The following FBXW10B variants were observed in gnomAD, a reference collection of about 807,000 sequenced individuals.
The protein encoded by FBXW10B is F-box and WD repeat domain containing protein 10B.
the FBXW10B span, among the ~76,000 whole-genome samples, chr17:15,585,868 T>G: frequency 1.3e-5 from 2 of 152,246 alleles, no homozygotes; most frequent in African/African-American, 4.8e-5. Context: ...TGGTAGCCAC[T>G]GCTTTGATTG....
chr17:15,598,169 G>A, the FBXW10B span, among the ~76,000 whole-genome samples: 1 of 152,058 alleles, frequency 6.6e-6, no homozygotes, highest in Non-Finnish European at 1.5e-5. Flanking sequence ...GGCAGCCGTT[G>A]TTGTTCATGG....
the FBXW10B span, among the ~76,000 whole-genome samples, chr17:15,610,436 C>G: frequency 6.6e-6 from 1 of 152,138 alleles, no homozygotes; most frequent in Non-Finnish European, 1.5e-5. Context: ...CAGGCATACC[C>G]CCAAGTCTGC....
At chr17:15,610,229 T>C in the FBXW10B span, among the ~76,000 whole-genome samples, 1 of 152,190 alleles carries the variant, frequency 6.6e-6, no homozygotes, top group African/African-American at 2.4e-5. Flanking sequence ...GGCTTGACAG[T>C]CAACAGGTTT....
chr17:15,617,116 A>G, the FBXW10B span, among the ~76,000 whole-genome samples: 1 of 152,218 alleles, frequency 6.6e-6, no homozygotes, highest in East Asian at 1.9e-4. Context: ...AAGTCGGTTG[A>G]TCTCCAATCT....
At chr17:15,568,225 T>C in the FBXW10B span, among the ~76,000 whole-genome samples, 1 of 152,220 alleles carries the variant, frequency 6.6e-6, no homozygotes, top group South Asian at 2.1e-4. Context: ...AAGGTACATT[T>C]CACTCAACAA....
chr17:15,584,697 G>A, the FBXW10B span, among the ~76,000 whole-genome samples: 2 of 152,132 alleles, frequency 1.3e-5, no homozygotes, highest in African/African-American at 4.8e-5. Flanking sequence ...ATGGCATCCT[G>A]GGTAAATAGC....
At chr17:15,601,422 A>AT in the FBXW10B span, among the ~76,000 whole-genome samples, 2 of 151,596 alleles carry the variant, frequency 1.3e-5, no homozygotes, top group Non-Finnish European at 2.9e-5. Flanking sequence ...AAAAAAAAAA[A>AT]AAAAAAAGAG....
At chr17:15,594,567 A>G in the FBXW10B span, 1 of 798,540 alleles carries the variant, frequency 1.3e-6, no homozygotes, top group Non-Finnish European at 1.9e-6. Context: ...GCTAACAGTC[A>G]GACAGAGAAG....
At chr17:15,618,345 T>C in the FBXW10B span, among the ~76,000 whole-genome samples, 3 of 151,662 alleles carry the variant, frequency 2.0e-5, no homozygotes, top group Non-Finnish European at 4.4e-5. Context: ...AGAAAAGGAA[T>C]ACAGAATCCT....
chr17:15,586,232 C>A, the FBXW10B span, among the ~76,000 whole-genome samples: 1 of 151,660 alleles, frequency 6.6e-6, no homozygotes, highest in Non-Finnish European at 1.5e-5. Flanking sequence ...TGGTTTGCAG[C>A]TGTGGACTTT....
chr17:15,569,455 C>CTTTTTTTTTTTTTTTTTT, the FBXW10B span, among the ~76,000 whole-genome samples: 10 of 59,198 alleles, frequency 1.7e-4, no homozygotes, highest in East Asian at 7.0e-4. Context: ...TTTTCTTTTT[C>CTTTTTTTTTTTTTTTTTT]TTTTTTTTTT....
the FBXW10B span, among the ~76,000 whole-genome samples, chr17:15,595,789 C>G: frequency 6.6e-6 from 1 of 152,134 alleles, no homozygotes; most frequent in Non-Finnish European, 1.5e-5. Context: ...CAATCACTTT[C>G]AAGACCATCC....
the FBXW10B span, among the ~76,000 whole-genome samples, chr17:15,601,110 A>G: frequency 4.7e-5 from 7 of 148,318 alleles, no homozygotes; most frequent in African/African-American, 9.9e-5. Context: ...GATTGTCTAC[A>G]TAGAAAAACC....
chr17:15,566,028 G>A, the FBXW10B span: 2 of 1,610,236 alleles, frequency 1.2e-6, no homozygotes, highest in African/African-American at 1.4e-5. Flanking sequence ...GCAGTTTCTG[G>A]ATTTCAAGGG....
At chr17:15,614,821 T>G in the FBXW10B span, among the ~76,000 whole-genome samples, 4 of 152,306 alleles carry the variant, frequency 2.6e-5, no homozygotes, top group South Asian at 2.1e-4. Context: ...TCCGATGATA[T>G]TTCATGTATA....
At chr17:15,600,673 A>G in the FBXW10B span, among the ~76,000 whole-genome samples, 1 of 152,202 alleles carries the variant, frequency 6.6e-6, no homozygotes, top group Non-Finnish European at 1.5e-5. Flanking sequence ...TCTCACTGCT[A>G]CTGCCTGCCA....
the FBXW10B span, chr17:15,619,526 C>T: frequency 5.0e-6 from 8 of 1,609,956 alleles, no homozygotes; most frequent in Non-Finnish European, 6.8e-6. Flanking sequence ...CCTAAGATAA[C>T]CAGTTCATTT....
At chr17:15,613,545 A>G in the FBXW10B span, 2 of 1,292,282 alleles carry the variant, frequency 1.5e-6, no homozygotes, top group Non-Finnish European at 2.1e-6. Context: ...AAAGGTCCAC[A>G]GTCATATCAG....
chr17:15,614,250 G>A, the FBXW10B span, among the ~76,000 whole-genome samples: 2 of 151,866 alleles, frequency 1.3e-5, no homozygotes, highest in Non-Finnish European at 1.5e-5. Flanking sequence ...GTGTAGTGGC[G>A]CGATCTCGGC....
Sources: gnomAD v4.1 joint callset for allele counts (sites outside exome capture counted in the v4.1 genomes callset) on GRCh38, gnomAD v4.1.1 for gene constraint, MANE v1.5 for transcripts, NCBI Gene and HGNC (gene_info 2026-07-23, HGNC 2026-07-21) for gene names.